MACROD2: variants seen among roughly 807,000 people sequenced by gnomAD.
MACROD2 encodes mono-ADP ribosylhydrolase 2, also known as ADP-ribose glycohydrolase MACROD2.
In MACROD2, 36 loss-of-function variants were observed where a neutral mutation model predicts 70.4. The observed-to-expected ratio is 0.51, with a 90% CI of 0.39 to 0.68. The LOEUF (loss-of-function observed/expected upper bound fraction) is 0.68. Among genes scored for constraint, MACROD2 ranks in the 30% least tolerant of loss-of-function variants. The pLI is 0.00. For missense variants in MACROD2, 496 were observed against 538.4 expected (o/e 0.92, Z 0.78); for synonymous variants, 172 against 178.8 (o/e 0.96, Z 0.30).
At chr20:14,999,977 G>C (rs931173974) in intron 5 of MACROD2, among the ~76,000 whole-genome samples, 10 of 152,264 alleles carry the variant, frequency 6.6e-5, no homozygotes, top group African/African-American at 2.4e-4. Context: ...ATATTGTTCA[G>C]GGCTATATAT....
chr20:15,179,537 C>A (rs1455166390), intron 5 of MACROD2, among the ~76,000 whole-genome samples: 2 of 152,146 alleles, frequency 1.3e-5, no homozygotes, highest in Non-Finnish European at 2.9e-5. Context: ...TTTGCACTCA[C>A]CCCCAGACTG....
At chr20:16,041,115 G>A (rs2067301716) in intron 15 of MACROD2, 86 bp from the exon 16 acceptor site, 2 of 1,107,802 alleles carry the variant, frequency 1.8e-6, no homozygotes, top group Admixed American at 4.9e-5. Context: ...GAATTTAAAA[G>A]GGCAATGGAG....
intron 10 of MACROD2, among the ~76,000 whole-genome samples, chr20:15,918,855 G>A (rs968922485): frequency 1.3e-5 from 2 of 152,260 alleles, no homozygotes; most frequent in Middle Eastern, 3.4e-3. Flanking sequence ...GTTTAGGGAG[G>A]AAGGGGCTCT....
intron 5 of MACROD2, among the ~76,000 whole-genome samples, chr20:15,119,333 CT>C (rs1331588003): frequency 1.3e-5 from 2 of 152,060 alleles, no homozygotes; most frequent in Admixed American, 6.5e-5. Flanking sequence ...ATTTTTCTTC[CT>C]ATTTACAAAA....
intron 2 of MACROD2, among the ~76,000 whole-genome samples, chr20:14,082,096 TAG>T (rs2054002244): frequency 6.6e-6 from 1 of 152,046 alleles, no homozygotes; most frequent in Non-Finnish European, 1.5e-5. Flanking sequence ...GATGACAGAT[TAG>T]AGTTTCTTTT....
At chr20:16,004,330 A>T (rs973997802) in intron 15 of MACROD2, among the ~76,000 whole-genome samples, 1 of 152,206 alleles carries the variant, frequency 6.6e-6, no homozygotes, top group East Asian at 1.9e-4. Flanking sequence ...TGCCTAGGTT[A>T]GAAGAGTACA....
chr20:14,040,401 C>T (rs986671999), intron 2 of MACROD2, among the ~76,000 whole-genome samples: 127 of 152,092 alleles, frequency 8.4e-4, no homozygotes, highest in African/African-American at 3.0e-3. Flanking sequence ...TTAGCTTAAT[C>T]TGTTCTTTTA....
At chr20:15,889,556 T>A (rs923754125) in intron 10 of MACROD2, among the ~76,000 whole-genome samples, 3 of 152,136 alleles carry the variant, frequency 2.0e-5, no homozygotes, top group Non-Finnish European at 4.4e-5. Context: ...GACATGGTCA[T>A]CTGCAAGGGG....
At chr20:15,955,069 C>T (rs995225411) in intron 12 of MACROD2, among the ~76,000 whole-genome samples, 9 of 152,038 alleles carry the variant, frequency 5.9e-5, no homozygotes, top group African/African-American at 1.9e-4. Flanking sequence ...AGCATCTCTG[C>T]TTGGGGTTGT....
intron 5 of MACROD2, chr20:14,895,172 T>C (rs1015742683): frequency 6.6e-6 from 1 of 152,132 alleles, no homozygotes; most frequent in Admixed American, 6.5e-5. Context: ...ATAAAAAAGC[T>C]AGGAAGGGAA....
intron 8 of MACROD2, among the ~76,000 whole-genome samples, chr20:15,806,656 C>A (rs185892282): frequency 9.7e-4 from 147 of 151,968 alleles, no homozygotes; most frequent in Middle Eastern, 6.8e-3. Context: ...AGACAATTAC[C>A]AATATATTTT....
chr20:15,221,076 T>G (rs2145965893), intron 5 of MACROD2, among the ~76,000 whole-genome samples: 1 of 152,270 alleles, frequency 6.6e-6, no homozygotes, highest in East Asian at 1.9e-4. Flanking sequence ...AGATTCTGCA[T>G]TTGTAGAATT....
intron 3 of MACROD2, among the ~76,000 whole-genome samples, chr20:14,231,739 A>G (rs1446736123): frequency 6.6e-6 from 1 of 152,228 alleles, no homozygotes; most frequent in Non-Finnish European, 1.5e-5. Context: ...TGGTTGAACT[A>G]GTTTACAGTC....
intron 3 of MACROD2, among the ~76,000 whole-genome samples, chr20:14,117,545 A>G (rs2054531857): frequency 6.6e-6 from 1 of 152,172 alleles, no homozygotes; most frequent in Admixed American, 6.6e-5. Flanking sequence ...AGTTGTTTAT[A>G]TGGTGCTAGG....
At chr20:15,468,840 C>T (rs76330890) in intron 7 of MACROD2, among the ~76,000 whole-genome samples, 6,284 of 152,216 alleles carry the variant, frequency 0.041, 214 homozygotes, top group Non-Finnish European at 0.058. Context: ...GACATTGTCC[C>T]CACCTTGGGA....
intron 5 of MACROD2, among the ~76,000 whole-genome samples, chr20:15,143,973 A>C (rs2327915): frequency 0.39 from 57,089 of 147,596 alleles, 12,154 homozygotes; most frequent in East Asian, 0.64. Context: ...AAAAAAAAAA[A>C]AACCTCATAA....
intron 5 of MACROD2, among the ~76,000 whole-genome samples, chr20:15,201,742 G>T (rs2076657695): frequency 6.6e-6 from 1 of 152,188 alleles, no homozygotes; most frequent in Admixed American, 6.5e-5. Context: ...CACTCTGAAA[G>T]GGTGTCCATC....
At chr20:15,360,978 G>C (rs1176755911) in intron 6 of MACROD2, among the ~76,000 whole-genome samples, 1 of 150,188 alleles carries the variant, frequency 6.7e-6, no homozygotes, top group African/African-American at 2.5e-5. Context: ...CATATATATG[G>C]TTTGCAAATA....
intron 3 of MACROD2, among the ~76,000 whole-genome samples, chr20:14,296,836 T>C (rs2082431508): frequency 1.3e-5 from 2 of 152,086 alleles, no homozygotes; most frequent in Non-Finnish European, 1.5e-5. Flanking sequence ...TATTTCATTT[T>C]ATTGTCCTTC....
Sources: allele counts gnomAD v4.1 joint callset (sites outside exome capture counted in the v4.1 genomes callset), GRCh38; gene constraint gnomAD v4.1.1; transcripts MANE v1.5; gene names NCBI Gene and HGNC (gene_info 2026-07-23, HGNC 2026-07-21).